MYO16: variants seen among roughly 807,000 people sequenced by gnomAD.
MYO16 encodes the protein unconventional myosin-XVI.
A neutral mutation model predicts 205.3 loss-of-function variants in MYO16; 94 were observed. The ratio of observed to expected loss-of-function variants is 0.46; its 90% CI spans 0.39 to 0.54. MYO16 has a LOEUF of 0.54. Among genes scored for constraint, MYO16 ranks in the 20% least tolerant of loss-of-function variants. The pLI, the probability that MYO16 is intolerant of heterozygous loss-of-function variation, is 0.00. For missense variants in MYO16, 2,315 were observed against 2,387.5 expected, an observed-to-expected ratio of 0.97 and a Z score of 0.63; for synonymous variants, 988 against 954.0, an observed-to-expected ratio of 1.04 and a Z score of -0.66.
chr13:109,119,026 T>A (rs919077828), intron 28 of MYO16, among the ~76,000 whole-genome samples: 10 of 151,728 alleles, frequency 6.6e-5, no homozygotes, highest in Non-Finnish European at 4.4e-5. Flanking sequence ...AATGCATGAT[T>A]CAGTCAAAAT....
intron 3 of MYO16, among the ~76,000 whole-genome samples, chr13:108,726,719 T>C (rs1884354041): frequency 6.6e-6 from 1 of 152,118 alleles, no homozygotes; most frequent in African/African-American, 2.4e-5. Context: ...TGCAGTTGCA[T>C]AGATTGTACA....
At chr13:108,909,758 A>C (rs1434082101) in intron 15 of MYO16, among the ~76,000 whole-genome samples, 2 of 152,092 alleles carry the variant, frequency 1.3e-5, no homozygotes, top group Non-Finnish European at 2.9e-5. Flanking sequence ...GTTTCAAATT[A>C]CATTTGTGCA....
intron 23 of MYO16, among the ~76,000 whole-genome samples, chr13:109,036,058 C>A (rs970407125): frequency 4.6e-5 from 7 of 152,166 alleles, no homozygotes; most frequent in Non-Finnish European, 1.0e-4. Context: ...CACAGTTTTG[C>A]ATTATTCTCT....
chr13:108,965,736 G>T (rs551988294), intron 20 of MYO16, among the ~76,000 whole-genome samples: 1 of 152,080 alleles, frequency 6.6e-6, no homozygotes, highest in Non-Finnish European at 1.5e-5. Flanking sequence ...GATTTTCAGG[G>T]CTATTTCATC....
the MYO16 span, among the ~76,000 whole-genome samples, chr13:108,539,914 A>G: frequency 3.3e-5 from 5 of 152,100 alleles, no homozygotes; most frequent in South Asian, 2.1e-4. Flanking sequence ...CACTGGCACA[A>G]TTTTCAAGGA....
At chr13:108,624,825 G>A (rs1054505692), upstream of MYO16, among the ~76,000 whole-genome samples, 18 of 150,058 alleles carry the variant, frequency 1.2e-4, no homozygotes, top group African/African-American at 4.4e-4. Flanking sequence ...GTGTGTGTGT[G>A]TATCTTCATA....
At chr13:108,971,089 G>C (rs1322312655) in intron 20 of MYO16, among the ~76,000 whole-genome samples, 1 of 152,050 alleles carries the variant, frequency 6.6e-6, no homozygotes, top group African/African-American at 2.4e-5. Context: ...AATAATTTTT[G>C]CAAGCTCTAA....
the MYO16 span, among the ~76,000 whole-genome samples, chr13:108,553,299 C>T: frequency 2.0e-5 from 3 of 152,024 alleles, no homozygotes; most frequent in Non-Finnish European, 1.5e-5. Flanking sequence ...CGTTAATACT[C>T]TTACAATGAC....
intron 22 of MYO16, among the ~76,000 whole-genome samples, chr13:109,014,017 TG>T (rs1368563065): frequency 1.3e-5 from 2 of 152,220 alleles, no homozygotes; most frequent in African/African-American, 2.4e-5. Flanking sequence ...TTGCTTTTGG[TG>T]TTTTACTCAT....
chr13:108,962,557 A>G (rs1883630825), intron 19 of MYO16, 62 bp downstream of exon 19: 1 of 1,197,858 alleles, frequency 8.3e-7, no homozygotes, highest in Non-Finnish European at 1.2e-6. Flanking sequence ...AATTAAATAC[A>G]GTTTGACTTG....
intron 1 of MYO16, among the ~76,000 whole-genome samples, chr13:108,601,364 T>C (rs983337650): frequency 6.6e-6 from 1 of 152,050 alleles, no homozygotes; most frequent in South Asian, 2.1e-4. Flanking sequence ...TCCATCCCAA[T>C]AGATATTTTT....
rs549258843 is a variant in MYO16 at position 108,844,944 on chromosome 13, C to G, written c.1248+451C>G. 7.9e-4 allele frequency among the ~76,000 whole-genome samples: 119 copies of G among 151,558 alleles called. 2 individuals carry two copies. The South Asian group carries it at 0.023, about 30-fold the overall frequency. ...TGTACGTGTCTGTGTGTTTATGTTG[C>G]GTGTGTGTGTGTGCATATGTGTACT... is the stretch of plus-strand genomic sequence containing the variant. On this transcript the variant is annotated intron_variant, in intron 10 of 34. Transcript: ENST00000457511.
chr13:109,055,645 G>C lies in MYO16; in HGVS notation c.3335+50G>C, dbSNP rs1447288384. On this transcript the variant is annotated intron_variant, in intron 27 of 34. Transcript: ENST00000457511. The surrounding 1 kb of genome is among the most constrained non-coding windows in gnomAD (Gnocchi z 5.0). ...GTCGTTCTCGCTGCTGTTCAGTGCA[G>C]TGTACTGACACTGACACTATTGTAG... The C allele has an allele frequency of 5.6e-6, 8 of 1,440,048 alleles. No homozygotes were observed. The highest frequency in any genetic ancestry group is 1.4e-5 in the African/African-American group (1 of 71,818). The allele number at this position is 1,440,048 out of a possible 1,614,324, so 89.2% of individuals were successfully genotyped here. A position where few individuals can be genotyped will look rare whatever the true frequency, so the allele number is the denominator to read the frequency against.
At chr13:108,794,805 A>T (rs1886733960) in intron 6 of MYO16, among the ~76,000 whole-genome samples, 1 of 152,172 alleles carries the variant, frequency 6.6e-6, no homozygotes, top group Non-Finnish European at 1.5e-5. Context: ...GGAGAAGGGA[A>T]TTTGGAGTTC....
intron 14 of MYO16, among the ~76,000 whole-genome samples, chr13:108,892,614 A>G (rs936973824): frequency 1.2e-4 from 19 of 152,198 alleles, no homozygotes; most frequent in Non-Finnish European, 1.6e-4. Context: ...AAATATGTTA[A>G]TATCCTGACA....
intron 34 of MYO16, among the ~76,000 whole-genome samples, chr13:109,187,316 T>G (rs1420186171): frequency 6.6e-6 from 1 of 151,308 alleles, no homozygotes; most frequent in Non-Finnish European, 1.5e-5. Context: ...ATTCTATTGA[T>G]TTTTTTAAAG....
intron 23 of MYO16, among the ~76,000 whole-genome samples, chr13:109,040,266 T>C (rs1886837999): frequency 6.6e-6 from 1 of 151,964 alleles, no homozygotes; most frequent in Non-Finnish European, 1.5e-5. Flanking sequence ...AAGCCAACTT[T>C]ACACAATCTT....
chr13:108,534,800 TTCC>T, the MYO16 span, among the ~76,000 whole-genome samples: 2 of 151,066 alleles, frequency 1.3e-5, no homozygotes, highest in African/African-American at 4.9e-5. Flanking sequence ...CTTCTTCTTC[TTCC>T]TTCCTTCCTC....
At chr13:108,683,220 G>A (rs956702295) in intron 2 of MYO16, among the ~76,000 whole-genome samples, 2 of 151,980 alleles carry the variant, frequency 1.3e-5, no homozygotes, top group African/African-American at 4.8e-5. Flanking sequence ...TTCAATTCTC[G>A]ATATAAGTGC....
Sources: gnomAD v4.1 joint callset for allele counts (sites outside exome capture counted in the v4.1 genomes callset) on GRCh38, gnomAD v4.1.1 for gene constraint, Gnocchi (gnomAD v3.1) non-coding constraint, MANE v1.5 for transcripts, NCBI Gene and HGNC (gene_info 2026-07-23, HGNC 2026-07-21) for gene names.